Variants in FHIT observed in about 807,000 individuals in gnomAD.
The protein encoded by FHIT is bis(5'-adenosyl)-triphosphatase.
A neutral mutation model predicts 17.9 loss-of-function variants in FHIT; 19 were observed. The ratio of observed to expected loss-of-function variants is 1.06; its 90% CI spans 0.74 to 1.56. The LOEUF (loss-of-function observed/expected upper bound fraction) is 1.56. Among genes scored for constraint, FHIT ranks in the 40% most tolerant of loss-of-function variants. The pLI, the probability that FHIT is intolerant of heterozygous loss-of-function variation, is 0.00. For missense variants in FHIT, 248 were observed against 189.2 expected (o/e 1.31, Z -1.82); for synonymous variants, 81 against 69.7 (o/e 1.16, Z -0.81).
intron 5 of FHIT, among the ~76,000 whole-genome samples, chr3:60,277,282 G>A (rs529962329): frequency 4.6e-5 from 7 of 152,272 alleles, no homozygotes; most frequent in Non-Finnish European, 1.0e-4. Context: ...TTAGCAGACA[G>A]TGAGGGTATG....
intron 5 of FHIT, among the ~76,000 whole-genome samples, chr3:60,119,670 G>T (rs1705157196): frequency 6.6e-6 from 1 of 152,128 alleles, no homozygotes; most frequent in African/African-American, 2.4e-5. Flanking sequence ...GAAATAAACT[G>T]TTGGCATATA....
chr3:60,008,449 T>C (rs1700006573), intron 7 of FHIT, among the ~76,000 whole-genome samples: 1 of 152,150 alleles, frequency 6.6e-6, no homozygotes, highest in South Asian at 2.1e-4. Context: ...GCTTGTTCTT[T>C]GCAAAGCAGA....
At chr3:60,313,570 C>G (rs1312359729) in intron 5 of FHIT, among the ~76,000 whole-genome samples, 1 of 152,180 alleles carries the variant, frequency 6.6e-6, no homozygotes, top group Admixed American at 6.5e-5. Flanking sequence ...GTGCAAACAA[C>G]TCTCTTTTGA....
At chr3:60,729,946 T>G (rs1261189207) in intron 4 of FHIT, 1 of 186,594 alleles carries the variant, frequency 5.4e-6, no homozygotes, top group African/African-American at 2.4e-5. Flanking sequence ...TGTGACTGTA[T>G]AGTTCAGAAA....
intron 4 of FHIT, among the ~76,000 whole-genome samples, chr3:60,734,254 G>A (rs563267850): frequency 2.0e-5 from 3 of 152,210 alleles, no homozygotes; most frequent in South Asian, 2.1e-4. Flanking sequence ...TAGATGTATC[G>A]TGTCCATCTT....
intron 5 of FHIT, among the ~76,000 whole-genome samples, chr3:60,017,678 C>T (rs1207459361): frequency 6.6e-6 from 1 of 152,194 alleles, no homozygotes; most frequent in Non-Finnish European, 1.5e-5. Context: ...TCATGCTCAC[C>T]ACCAGCCCAG....
At chr3:60,971,735 G>T (rs376255943) in intron 3 of FHIT, among the ~76,000 whole-genome samples, 1 of 152,032 alleles carries the variant, frequency 6.6e-6, no homozygotes, top group Non-Finnish European at 1.5e-5. Flanking sequence ...ATGGCTAGTG[G>T]TTTATGTTCT....
Position 60,886,378 on chromosome 3 carries a change from C to G in FHIT, c.-110-64367G>C, listed in dbSNP as rs141501296. Among the ~76,000 whole-genome samples the G allele has an allele frequency of 3.1e-3, 479 of 152,320 alleles. 3 individuals are homozygous for G. Among genetic ancestry groups the G allele is most frequent in the African/African-American group, 0.011 (451 of 41,572 alleles). ...GAACTTGAAAAACTATTATTTTTGC[C>G]TGCAATCTTCTTGGCTTTTCCATAA... On this transcript the variant is annotated intron_variant, in intron 3 of 9. Transcript: ENST00000492590.
intron 5 of FHIT, among the ~76,000 whole-genome samples, chr3:60,422,240 C>G (rs1702503552): frequency 6.6e-6 from 1 of 151,964 alleles, no homozygotes; most frequent in Non-Finnish European, 1.5e-5. Context: ...GGAAATATTC[C>G]AAAGATTTGC....
intron 7 of FHIT, among the ~76,000 whole-genome samples, chr3:59,965,151 C>G (rs1707865143): frequency 6.6e-6 from 1 of 152,060 alleles, no homozygotes; most frequent in African/African-American, 2.4e-5. Flanking sequence ...TATATTATGA[C>G]AGCAATCAAT....
At chr3:60,671,506 C>T (rs1187838892) in intron 4 of FHIT, among the ~76,000 whole-genome samples, 1 of 151,942 alleles carries the variant, frequency 6.6e-6, no homozygotes, top group Non-Finnish European at 1.5e-5. Context: ...AGACACCAAG[C>T]GGTGGTTACA....
chr3:60,252,866 CG>C (rs963881814), intron 5 of FHIT, among the ~76,000 whole-genome samples: 8 of 151,696 alleles, frequency 5.3e-5, no homozygotes, highest in African/African-American at 1.9e-4. Flanking sequence ...GGCGTGGTGG[CG>C]GGTGCCTGTA....
intron 2 of FHIT, among the ~76,000 whole-genome samples, chr3:61,085,943 A>G (rs1338923290): frequency 6.6e-6 from 1 of 152,088 alleles, no homozygotes; most frequent in African/African-American, 2.4e-5. Flanking sequence ...TTCATTTTGT[A>G]ATTCTTTGTT....
intron 8 of FHIT, among the ~76,000 whole-genome samples, chr3:59,770,429 A>G (rs555808522): frequency 1.0e-3 from 153 of 152,278 alleles, no homozygotes; most frequent in African/African-American, 3.5e-3. Context: ...GAAAATTTGG[A>G]CCCAGCAGCT....
At chr3:60,125,588 T>C (rs1705505411) in intron 5 of FHIT, among the ~76,000 whole-genome samples, 1 of 148,896 alleles carries the variant, frequency 6.7e-6, no homozygotes, top group Non-Finnish European at 1.5e-5. Context: ...GCCAAGATCA[T>C]GCCATTGCGA....
intron 4 of FHIT, among the ~76,000 whole-genome samples, chr3:60,650,296 A>G (rs1419046738): frequency 2.0e-5 from 3 of 152,178 alleles, no homozygotes; most frequent in Non-Finnish European, 4.4e-5. Context: ...GGTCTATTCC[A>G]TAGTAAGGAA....
Position 60,508,748 on chromosome 3 carries a change from G to A in FHIT, c.103+28112C>T, listed in dbSNP as rs117479005. 2.8e-3 allele frequency among the ~76,000 whole-genome samples: 431 copies of A among 152,076 alleles called. 4 individuals carry two copies. In the East Asian group the frequency reaches 0.03, roughly 10 times the overall value. On this transcript the variant is annotated intron_variant, in intron 5 of 9. Coordinates refer to ENST00000492590, the MANE Select transcript of FHIT (RefSeq NM_002012.4). ...TGTGAGATTTGTATATTATGAGGGT[G>A]TTTTCTTTGACATCTTAAAGTTCAA...
intron 5 of FHIT, among the ~76,000 whole-genome samples, chr3:60,021,931 C>G (rs3912494): frequency 0.2 from 30,093 of 152,144 alleles, 3,810 homozygotes; most frequent in African/African-American, 0.34. Context: ...AGAAACACTG[C>G]ATGAAATGAA....
intron 7 of FHIT, among the ~76,000 whole-genome samples, chr3:60,008,331 A>G (rs780953005): frequency 6.6e-6 from 1 of 152,158 alleles, no homozygotes; most frequent in Admixed American, 6.6e-5. Context: ...TACTCCTTTT[A>G]AACCCAAAAA....
Sources: allele counts gnomAD v4.1 joint callset (sites outside exome capture counted in the v4.1 genomes callset), GRCh38; gene constraint gnomAD v4.1.1; transcripts MANE v1.5; gene names NCBI Gene and HGNC (gene_info 2026-07-23, HGNC 2026-07-21).